Variants in TSHZ3 observed in about 807,000 individuals in gnomAD.
TSHZ3 encodes the protein teashirt homolog 3.
Under a neutral mutation model 64.5 loss-of-function variants are expected in TSHZ3, and 10 were observed. The ratio of observed to expected loss-of-function variants is 0.16; its 90% CI spans 0.10 to 0.26. TSHZ3 has a LOEUF of 0.26. Among genes scored for constraint, TSHZ3 ranks in the 10% least tolerant of loss-of-function variants. TSHZ3 has a pLI of 1.00. For synonymous variants in TSHZ3, 608 were observed against 593.1 expected, an observed-to-expected ratio of 1.03 and a Z score of -0.36; for missense variants, 1,242 against 1,421.7, an observed-to-expected ratio of 0.87 and a Z score of 2.03.
At chr19:31,325,040 C>T (rs1028236801) in intron 1 of TSHZ3, among the ~76,000 whole-genome samples, 4 of 152,184 alleles carry the variant, frequency 2.6e-5, no homozygotes. Context: ...TTTCAGTATT[C>T]CTCGGTCATT....
chr19:31,264,199 A>G (rs1160790694), intron 1 of TSHZ3, among the ~76,000 whole-genome samples: 19 of 152,160 alleles, frequency 1.2e-4, no homozygotes, highest in Admixed American at 1.2e-3. Flanking sequence ...TTGTGGGGAC[A>G]TATTCCACCT....
chr19:31,219,355 A>G (rs1713855734), intron 4 of TSHZ3, among the ~76,000 whole-genome samples: 1 of 152,174 alleles, frequency 6.6e-6, no homozygotes, highest in Admixed American at 6.5e-5. Flanking sequence ...AGGGCTCAAC[A>G]CAGCAGAAGT....
intron 4 of TSHZ3, among the ~76,000 whole-genome samples, chr19:31,217,066 T>C (rs752731927): frequency 1.2e-4 from 18 of 152,166 alleles, no homozygotes; most frequent in Non-Finnish European, 2.5e-4. Context: ...CCCAAAGTGC[T>C]GGGATTACAG....
At chr19:31,206,276 C>T (rs771680405) in intron 4 of TSHZ3, among the ~76,000 whole-genome samples, 5 of 144,136 alleles carry the variant, frequency 3.5e-5, no homozygotes, top group East Asian at 2.1e-4. Flanking sequence ...TGGATGGATA[C>T]GTAGATGGAT....
At chr19:31,214,804 A>G (rs538968034) in intron 4 of TSHZ3, among the ~76,000 whole-genome samples, 1 of 147,896 alleles carries the variant, frequency 6.8e-6, no homozygotes, top group Non-Finnish European at 1.5e-5. Flanking sequence ...GCTACTCGGG[A>G]GGCTGAGGCA....
At chr19:31,199,092 C>A (rs1295465129) in intron 5 of TSHZ3, among the ~76,000 whole-genome samples, 3 of 152,026 alleles carry the variant, frequency 2.0e-5, no homozygotes, top group Non-Finnish European at 2.9e-5. Flanking sequence ...AGAATAAAAA[C>A]CCCAGAAATA....
intron 5 of TSHZ3, among the ~76,000 whole-genome samples, chr19:31,161,350 A>G (rs571018720): frequency 6.6e-6 from 1 of 152,356 alleles, no homozygotes; most frequent in East Asian, 1.9e-4. Context: ...ACTAAGGACT[A>G]AAGTTAAGGC....
At chr19:31,318,977 G>A (rs1916687117) in intron 1 of TSHZ3, among the ~76,000 whole-genome samples, 1 of 152,216 alleles carries the variant, frequency 6.6e-6, no homozygotes, top group Non-Finnish European at 1.5e-5. Flanking sequence ...CCACCCTGGT[G>A]CCATGGCTAA....
intron 1 of TSHZ3, among the ~76,000 whole-genome samples, chr19:31,290,994 C>A (rs1976555417): frequency 6.6e-6 from 1 of 152,236 alleles, no homozygotes; most frequent in Admixed American, 6.5e-5. Context: ...AATAAAGCTG[C>A]AATGCTTTCA....
At chr19:31,194,994 C>A (rs1201696430) in intron 5 of TSHZ3, among the ~76,000 whole-genome samples, 1 of 152,042 alleles carries the variant, frequency 6.6e-6, no homozygotes, top group East Asian at 1.9e-4. Flanking sequence ...AAGAAAGAAT[C>A]TCTGAGCTTC....
Position 31,278,197 on chromosome 19 carries a change from G to C in TSHZ3, c.1596C>G (p.Ser532=). Reference sequence around the variant, plus strand: ...TGCCGTTCTGGGCCTTGTTGATTGCGGATGTCACTGTGTTTTCCAAGGATT... The same window carrying C: ...TGCCGTTCTGGGCCTTGTTGATTGCCGATGTCACTGTGTTTTCCAAGGATT... ...ILKSLENTVT[S]AINKAQNGTP... The change falls in exon 2 of 2, where the codon TCC becomes TCG. Residue 532 remains serine (S), a synonymous_variant. Transcript: ENST00000240587. The surrounding 1 kb of genome is among the most constrained non-coding windows in gnomAD (Gnocchi z 4.7). The C allele has an allele frequency of 6.2e-7, 1 of 1,614,120 alleles. No individual in the cohort carries two copies. Among genetic ancestry groups the C allele is most frequent in the South Asian group, 1.1e-5 (1 of 91,078 alleles).
intron 1 of TSHZ3, among the ~76,000 whole-genome samples, chr19:31,331,784 G>A (rs544403780): frequency 4.6e-5 from 7 of 152,246 alleles, no homozygotes; most frequent in East Asian, 3.9e-4. Flanking sequence ...TTCACAGAAC[G>A]TCCATTTTAT....
At chr19:31,190,341 A>G (rs1208609761) in intron 5 of TSHZ3, among the ~76,000 whole-genome samples, 3 of 152,186 alleles carry the variant, frequency 2.0e-5, no homozygotes, top group African/African-American at 7.2e-5. Flanking sequence ...ACTGAATGAC[A>G]ATTCCAGAGG....
chr19:31,160,620 T>G (rs1974363159), intron 5 of TSHZ3, among the ~76,000 whole-genome samples: 1 of 151,912 alleles, frequency 6.6e-6, no homozygotes, highest in Admixed American at 6.6e-5. Flanking sequence ...AGGAAAGGGA[T>G]AGTTTAGCCA....
intron 5 of TSHZ3, among the ~76,000 whole-genome samples, chr19:31,189,299 C>T (rs1054825122): frequency 1.6e-4 from 25 of 151,754 alleles, no homozygotes; most frequent in African/African-American, 4.6e-4. Context: ...GTTTTATTTA[C>T]TTAGTTTTTT....
At chr19:31,178,911 T>G (rs180975956) in intron 5 of TSHZ3, among the ~76,000 whole-genome samples, 1 of 152,164 alleles carries the variant, frequency 6.6e-6, no homozygotes, top group South Asian at 2.1e-4. Context: ...TATCTGAAAG[T>G]TGGCTGAAGA....
At chr19:31,261,890 G>A (rs540795873) in intron 1 of TSHZ3, among the ~76,000 whole-genome samples, 7 of 152,226 alleles carry the variant, frequency 4.6e-5, no homozygotes, top group South Asian at 2.1e-4. Flanking sequence ...ATATGAAGTC[G>A]GAACCCTCCC....
intron 1 of TSHZ3, among the ~76,000 whole-genome samples, chr19:31,330,777 C>A (rs1435440148): frequency 6.6e-6 from 1 of 152,078 alleles, no homozygotes; most frequent in East Asian, 1.9e-4. Flanking sequence ...GACCCCAGAC[C>A]CCAGACGGAG....
intron 5 of TSHZ3, among the ~76,000 whole-genome samples, chr19:31,169,511 G>A (rs2145113286): frequency 1.3e-5 from 2 of 152,274 alleles, no homozygotes; most frequent in East Asian, 3.9e-4. Flanking sequence ...GTTCCAGCTG[G>A]GGAAGATGAA....
Sources: gnomAD v4.1 joint callset for allele counts (sites outside exome capture counted in the v4.1 genomes callset) on GRCh38, gnomAD v4.1.1 for gene constraint, Gnocchi (gnomAD v3.1) non-coding constraint, MANE v1.5 for transcripts, NCBI Gene and HGNC (gene_info 2026-07-23, HGNC 2026-07-21) for gene names.